LUZP2: variants seen among roughly 807,000 people sequenced by gnomAD.
LUZP2 encodes the protein leucine zipper protein 2.
A neutral mutation model predicts 51.6 loss-of-function variants in LUZP2; 52 were observed. The ratio of observed to expected loss-of-function variants is 1.01; its 90% confidence interval spans 0.81 to 1.27. LUZP2 has a LOEUF of 1.27. LUZP2 is among the 50% of genes most tolerant of loss of function. The pLI is 0.00. For synonymous variants in LUZP2, 154 were observed against 137.3 expected (o/e 1.12, Z -0.85); for missense variants, 436 against 395.4 (o/e 1.10, Z -0.87).
At chr11:24,684,800 G>T (rs1486093698) in intron 1 of LUZP2, among the ~76,000 whole-genome samples, 2 of 152,038 alleles carry the variant, frequency 1.3e-5, no homozygotes. Flanking sequence ...TCACTTCCCA[G>T]CTCCCCAACT....
At chr11:24,983,337 T>C (rs370341700) in intron 9 of LUZP2, 44 bp downstream of exon 9, 6 of 1,580,520 alleles carry the variant, frequency 3.8e-6, no homozygotes, top group Non-Finnish European at 5.2e-6. Context: ...CAGCAAGTAA[T>C]GTGTTGTCTT....
chr11:24,902,760 A>G (rs1191229219), intron 5 of LUZP2, among the ~76,000 whole-genome samples: 1 of 152,202 alleles, frequency 6.6e-6, no homozygotes, highest in East Asian at 1.9e-4. Flanking sequence ...GAAAAAATAT[A>G]AAATAATATC....
At chr11:24,504,912 G>A (rs184937232) in intron 1 of LUZP2, among the ~76,000 whole-genome samples, 2 of 152,232 alleles carry the variant, frequency 1.3e-5, no homozygotes, top group East Asian at 3.9e-4. Context: ...GAGAGTACCT[G>A]CAGAGAAAAT....
intron 1 of LUZP2, among the ~76,000 whole-genome samples, chr11:24,508,400 CAGA>C (rs1850203233): frequency 1.3e-5 from 2 of 152,140 alleles, no homozygotes; most frequent in Admixed American, 6.6e-5. Flanking sequence ...TTAAAGGTGA[CAGA>C]AGATCCTTTC....
Position 25,077,382 on chromosome 11 carries a change from T to C in LUZP2, c.912T>C (p.Thr304=). 1 of 1,612,862 alleles carries C rather than the reference T, an allele frequency of 6.2e-7. No homozygotes were observed. The highest frequency in any genetic ancestry group is 8.5e-7 in the Non-Finnish European group (1 of 1,179,038). The part of the protein sequence containing the change: ...KHKESPPSNA[T]AETEPIPQKL... ...AAGAAAGTCCCCCAAGTAATGCCAC[T>C]GCAGAAACCGAGCCTATCCCACAGG... Residue 304 remains threonine, a synonymous_variant, in exon 11 of 12, where the codon ACT becomes ACC. Transcript: ENST00000336930.
chr11:25,072,405 A>G (rs1478365200), intron 10 of LUZP2, among the ~76,000 whole-genome samples: 1 of 152,156 alleles, frequency 6.6e-6, no homozygotes, highest in South Asian at 2.1e-4. Context: ...ATGAATGATT[A>G]AAGTATAGAA....
At chr11:24,943,826 C>T (rs973683754) in intron 7 of LUZP2, among the ~76,000 whole-genome samples, 10 of 148,446 alleles carry the variant, frequency 6.7e-5, no homozygotes, top group East Asian at 2.0e-4. Context: ...TGTAGTGAGC[C>T]GAGATTGGGC....
intron 9 of LUZP2, among the ~76,000 whole-genome samples, chr11:25,038,503 T>G (rs1040012743): frequency 1.3e-5 from 2 of 152,202 alleles, no homozygotes; most frequent in Non-Finnish European, 2.9e-5. Context: ...GAAGCTCAGT[T>G]TGGGTCTTTC....
At chr11:24,998,760 C>A (rs1353635335) in intron 9 of LUZP2, among the ~76,000 whole-genome samples, 3 of 152,102 alleles carry the variant, frequency 2.0e-5, no homozygotes, top group African/African-American at 7.2e-5. Flanking sequence ...GGACTTTCAG[C>A]CAAAGAATTG....
intron 7 of LUZP2, among the ~76,000 whole-genome samples, chr11:24,959,097 C>G (rs9704097): frequency 6.6e-6 from 1 of 151,758 alleles, no homozygotes; most frequent in Non-Finnish European, 1.5e-5. Context: ...GGGCTCTGTT[C>G]TGTTCCATTG....
chr11:24,845,201 G>T (rs1420308054), intron 5 of LUZP2, among the ~76,000 whole-genome samples: 1 of 152,188 alleles, frequency 6.6e-6, no homozygotes, highest in African/African-American at 2.4e-5. Context: ...CTAAGACCAT[G>T]GGAACCCATC....
chr11:24,645,788 G>A (rs915727800), intron 1 of LUZP2, among the ~76,000 whole-genome samples: 10 of 151,914 alleles, frequency 6.6e-5, no homozygotes, highest in Admixed American at 1.3e-4. Context: ...TAATTATTAT[G>A]TAGACAGCTA....
chr11:24,559,784 G>T (rs2133768830), intron 1 of LUZP2, among the ~76,000 whole-genome samples: 1 of 152,286 alleles, frequency 6.6e-6, no homozygotes, highest in African/African-American at 2.4e-5. Flanking sequence ...TGTGAGCATT[G>T]TTGTGTCTCT....
chr11:24,863,786 A>C (rs1472450520), intron 5 of LUZP2, among the ~76,000 whole-genome samples: 7 of 152,188 alleles, frequency 4.6e-5, no homozygotes, highest in African/African-American at 1.7e-4. Context: ...TTCATTCTTC[A>C]CTCAACCTCA....
At chr11:24,806,555 G>T (rs1203958903) in intron 5 of LUZP2, among the ~76,000 whole-genome samples, 1 of 152,084 alleles carries the variant, frequency 6.6e-6, no homozygotes, top group African/African-American at 2.4e-5. Flanking sequence ...CATGTAGGTA[G>T]TAATTTATTT....
At chr11:24,703,273 C>A (rs1178192126) in intron 1 of LUZP2, among the ~76,000 whole-genome samples, 1 of 152,150 alleles carries the variant, frequency 6.6e-6, no homozygotes, top group East Asian at 1.9e-4. Flanking sequence ...CCAAGCAAAA[C>A]AACCAATGGT....
intron 1 of LUZP2, among the ~76,000 whole-genome samples, chr11:24,677,844 T>A (rs1474441080): frequency 6.6e-6 from 1 of 151,816 alleles, no homozygotes; most frequent in Non-Finnish European, 1.5e-5. Context: ...GGTCAGGAGA[T>A]CGATACCATG....
chr11:24,757,392 A>C lies in LUZP2; in HGVS notation c.334-5854A>C, dbSNP rs370698858. On this transcript the variant is annotated intron_variant, in intron 4 of 11. Transcript: ENST00000336930. ...ATTTCTTGTTTAAAAATATGTTCTA[A>C]TAACCATTGGATTAGTGAGAAATGA... Among the ~76,000 whole-genome samples the C allele has an allele frequency of 2.2e-4, 33 of 152,182 alleles. 4 individuals are homozygous for C. The highest frequency in any genetic ancestry group is 1.6e-3 in the Admixed American group (25 of 15,274).
At position 24,812,252 on chromosome 11, in the gene LUZP2, T is replaced by A. The variant is rs112217615; in HGVS notation, c.396+48944T>A. 2.7e-3 allele frequency among the ~76,000 whole-genome samples: 409 copies of A among 152,282 alleles called. 2 individuals are homozygous for A. Among genetic ancestry groups the A allele is most frequent in the African/African-American group, 9.4e-3 (392 of 41,576 alleles). On this transcript the variant is annotated intron_variant, in intron 5 of 11. Transcript: ENST00000336930. ...TTTCATCCATATTTCTATGAATACC[T>A]CAATGATGTTCAATATCACCTTGAG...
Sources: allele counts gnomAD v4.1 joint callset (sites outside exome capture counted in the v4.1 genomes callset), GRCh38; gene constraint gnomAD v4.1.1; transcripts MANE v1.5; gene names NCBI Gene and HGNC (gene_info 2026-07-23, HGNC 2026-07-21).